The following SNTG1 variants were observed in gnomAD, a reference collection of about 807,000 sequenced individuals.
SNTG1 encodes the protein gamma-1-syntrophin.
SNTG1 carries 39 observed loss-of-function variants against 74.7 expected under a neutral mutation model. The observed-to-expected ratio is 0.52, with a 90% CI of 0.40 to 0.68. The LOEUF (loss-of-function observed/expected upper bound fraction) is 0.68. Among genes scored for constraint, SNTG1 ranks in the 30% least tolerant of loss-of-function variants. The pLI is 0.00. For synonymous variants in SNTG1, 254 were observed against 217.1 expected (o/e 1.17, Z -1.49); for missense variants, 685 against 609.5 (o/e 1.12, Z -1.30).
chr8:50,570,171 C>T (rs977184810), intron 12 of SNTG1, among the ~76,000 whole-genome samples: 1 of 151,242 alleles, frequency 6.6e-6, no homozygotes, highest in African/African-American at 2.4e-5. Flanking sequence ...CGTTGATTTC[C>T]TCTCCTTCGG....
chr8:50,639,231 A>AAG (rs2095057331), intron 13 of SNTG1, among the ~76,000 whole-genome samples: 2 of 151,354 alleles, frequency 1.3e-5, no homozygotes, highest in Middle Eastern at 3.5e-3. Flanking sequence ...AAAAAAAAAA[A>AAG]AGCTATTTCT....
At chr8:50,004,200 G>A (rs866742780) in intron 1 of SNTG1, among the ~76,000 whole-genome samples, 2 of 152,084 alleles carry the variant, frequency 1.3e-5, no homozygotes, top group South Asian at 4.1e-4. Flanking sequence ...TCACATAGTT[G>A]TAATAATGAA....
At chr8:50,477,630 G>C (rs117951445) in intron 8 of SNTG1, among the ~76,000 whole-genome samples, 157 of 152,246 alleles carry the variant, frequency 1.0e-3, no homozygotes, top group Non-Finnish European at 1.6e-3. Context: ...AAATCTGAAT[G>C]AGCTATGGAC....
intron 1 of SNTG1, among the ~76,000 whole-genome samples, chr8:49,946,784 G>T (rs1437551590): frequency 6.6e-6 from 1 of 152,070 alleles, no homozygotes; most frequent in Non-Finnish European, 1.5e-5. Context: ...ATCATGAAAA[G>T]ATGAATGTTG....
intron 4 of SNTG1, among the ~76,000 whole-genome samples, chr8:50,419,341 C>G (rs1421945333): frequency 6.6e-6 from 1 of 152,190 alleles, no homozygotes; most frequent in Non-Finnish European, 1.5e-5. Context: ...TAGACTTATA[C>G]CCTCACCAGG....
intron 2 of SNTG1, among the ~76,000 whole-genome samples, chr8:50,211,460 C>T (rs1020959097): frequency 2.0e-5 from 3 of 151,996 alleles, no homozygotes; most frequent in Non-Finnish European, 2.9e-5. Context: ...TGTGCTAGTT[C>T]TTTAATGCAT....
intron 12 of SNTG1, among the ~76,000 whole-genome samples, chr8:50,555,657 T>C (rs142287052): frequency 1.5e-3 from 233 of 152,268 alleles, no homozygotes; most frequent in African/African-American, 5.4e-3. Context: ...CTGACTTGAA[T>C]AGCTTGTTAA....
intron 1 of SNTG1, among the ~76,000 whole-genome samples, chr8:49,967,106 G>A (rs2220157): frequency 0.63 from 96,052 of 152,054 alleles, 34,989 homozygotes; most frequent in East Asian, 0.86. Flanking sequence ...TCCCAAGGGC[G>A]TAAGTATTTT....
At chr8:50,589,001 C>A (rs1340275579) in intron 12 of SNTG1, among the ~76,000 whole-genome samples, 1 of 151,954 alleles carries the variant, frequency 6.6e-6, no homozygotes, top group East Asian at 1.9e-4. Context: ...TCTCTCTAGT[C>A]ATTAATATAC....
At chr8:50,082,358 T>C (rs1413278104) in intron 1 of SNTG1, among the ~76,000 whole-genome samples, 1 of 152,250 alleles carries the variant, frequency 6.6e-6, no homozygotes, top group Non-Finnish European at 1.5e-5. Flanking sequence ...AGCATTTTGA[T>C]AATGTATGTT....
chr8:50,016,444 G>T (rs1022605163), intron 1 of SNTG1, among the ~76,000 whole-genome samples: 1 of 152,106 alleles, frequency 6.6e-6, no homozygotes, highest in South Asian at 2.1e-4. Flanking sequence ...GCAACTTCTT[G>T]TATAGTTGTA....
At chr8:50,712,422 C>T (rs16915285) in intron 17 of SNTG1, among the ~76,000 whole-genome samples, 31,551 of 152,072 alleles carry the variant, frequency 0.21, 3,372 homozygotes, top group South Asian at 0.31. Flanking sequence ...GAATAATGTA[C>T]GACTGAAATT....
intron 2 of SNTG1, among the ~76,000 whole-genome samples, chr8:50,230,637 A>C (rs2085569388): frequency 6.6e-6 from 1 of 151,308 alleles, no homozygotes. Context: ...TAAGAGCAAA[A>C]ATACAATGGG....
chr8:49,989,508 G>A (rs1464627488), intron 1 of SNTG1, among the ~76,000 whole-genome samples: 1 of 151,848 alleles, frequency 6.6e-6, no homozygotes, highest in African/African-American at 2.4e-5. Flanking sequence ...CCCTTCTGGT[G>A]AATTTTACCA....
intron 9 of SNTG1, among the ~76,000 whole-genome samples, chr8:50,513,437 C>T (rs1409733122): frequency 2.6e-5 from 4 of 152,230 alleles, no homozygotes; most frequent in Non-Finnish European, 5.9e-5. Flanking sequence ...CTGCTCTCTT[C>T]AAAGCTGTCA....
At chr8:50,757,311 A>G (rs966857208) in intron 18 of SNTG1, among the ~76,000 whole-genome samples, 1 of 151,804 alleles carries the variant, frequency 6.6e-6, no homozygotes, top group African/African-American at 2.4e-5. Flanking sequence ...GGATTCTTCC[A>G]TTTCTTCTTG....
intron 17 of SNTG1, among the ~76,000 whole-genome samples, chr8:50,741,987 A>T (rs554297592): frequency 6.6e-6 from 1 of 152,176 alleles, no homozygotes; most frequent in Admixed American, 6.6e-5. Flanking sequence ...TTATAACACC[A>T]AAAGTGAACC....
At chr8:50,605,783 T>C (rs1427303523) in intron 13 of SNTG1, among the ~76,000 whole-genome samples, 1 of 152,188 alleles carries the variant, frequency 6.6e-6, no homozygotes, top group Non-Finnish European at 1.5e-5. Context: ...GGTGCTTCTG[T>C]TGGGGAGAGG....
At chr8:50,224,511 C>T (rs978730358) in intron 2 of SNTG1, among the ~76,000 whole-genome samples, 2 of 152,166 alleles carry the variant, frequency 1.3e-5, no homozygotes, top group Non-Finnish European at 2.9e-5. Context: ...CTAAGTAAAC[C>T]TTTCTTCATA....
Sources: allele counts gnomAD v4.1 joint callset (sites outside exome capture counted in the v4.1 genomes callset), GRCh38; gene constraint gnomAD v4.1.1; transcripts MANE v1.5; gene names NCBI Gene and HGNC (gene_info 2026-07-23, HGNC 2026-07-21).